MED27: variants seen among roughly 807,000 people sequenced by gnomAD.
MED27 encodes the protein mediator of RNA polymerase II transcription subunit 27.
MED27 carries 30 observed loss-of-function variants against 38.2 expected under a neutral mutation model. The observed-to-expected ratio is 0.79, with a 90% CI of 0.59 to 1.07. The LOEUF (loss-of-function observed/expected upper bound fraction) is 1.07, where lower values mean the gene tolerates loss of function less well. Among genes scored for constraint, MED27 ranks in the 50% least tolerant of loss-of-function variants. The probability of loss-of-function intolerance (pLI) is 0.00; values close to 1 mark genes in which losing one functional copy is unlikely to be tolerated. For missense variants in MED27, 289 were observed against 397.5 expected (o/e 0.73, Z 2.32); for synonymous variants, 122 against 153.5 (o/e 0.79, Z 1.52).
chr9:131,984,414 C>G (rs767233380), intron 3 of MED27, among the ~76,000 whole-genome samples: 3 of 152,150 alleles, frequency 2.0e-5, no homozygotes, highest in Non-Finnish European at 4.4e-5. Flanking sequence ...AACTCAAGAT[C>G]GACTTGTTTG....
chr9:132,049,628 C>T (rs563394573), intron 2 of MED27, among the ~76,000 whole-genome samples: 1 of 152,140 alleles, frequency 6.6e-6, no homozygotes, highest in Non-Finnish European at 1.5e-5. Flanking sequence ...TCAGCCCAGC[C>T]GGGAAACCAG....
At chr9:131,905,091 C>A (rs917260016) in intron 4 of MED27, among the ~76,000 whole-genome samples, 1 of 152,182 alleles carries the variant, frequency 6.6e-6, no homozygotes, top group Non-Finnish European at 1.5e-5. Flanking sequence ...CCCAAACTAT[C>A]AAAATTAGCT....
At position 132,071,417 on chromosome 9, in the gene MED27, C is replaced by T. The variant is rs548330734; in HGVS notation, c.348+6025G>A. ...CGCACACCCCATGAACGAGCACACA[C>T]ACACATGAATAACAGGTGCCTCATA... On this transcript the variant is annotated intron_variant, in intron 2 of 7. Coordinates refer to ENST00000292035, the MANE Select transcript of MED27 (RefSeq NM_004269.4). Among the ~76,000 whole-genome samples the T allele has an allele frequency of 9.0e-4, 136 of 150,710 alleles. 1 individual carries two copies. The highest frequency in any genetic ancestry group is 3.2e-3 in the African/African-American group (132 of 40,978).
At chr9:131,963,514 C>T (rs1234648859) in intron 3 of MED27, among the ~76,000 whole-genome samples, 4 of 152,086 alleles carry the variant, frequency 2.6e-5, no homozygotes, top group Non-Finnish European at 5.9e-5. Context: ...CTGTAAGGAG[C>T]CAGGCTCAGT....
chr9:132,013,845 G>T (rs1832534358), intron 3 of MED27, among the ~76,000 whole-genome samples: 1 of 152,040 alleles, frequency 6.6e-6, no homozygotes, highest in African/African-American at 2.4e-5. Flanking sequence ...GTTTCACAAA[G>T]ATCTATGCAA....
rs61624043 is a variant in MED27 at position 131,881,800 on chromosome 9, C to CTTTTTTTTTTTTTT, written c.723+2244_723+2257dup. ...CCTCCCTCCCTTCCTTCTTCTTCTT[C>CTTTTTTTTTTTTTT]TTTTTTTTTTTTTTTTTTTTTTTTG... On this transcript the variant is annotated intron_variant, in intron 6 of 7. Transcript: ENST00000292035. Among the ~76,000 whole-genome samples, 248 of 60,954 alleles carry CTTTTTTTTTTTTTT rather than the reference C, an allele frequency of 4.1e-3. 21 individuals are homozygous for CTTTTTTTTTTTTTT. The highest frequency in any genetic ancestry group is 6.0e-3 in the South Asian group (7 of 1,164). 40.0% of individuals were successfully genotyped at this position (60,954 alleles called of 152,430 possible). A position where few individuals can be genotyped will look rare whatever the true frequency, so the allele number is the denominator to read the frequency against.
chr9:132,053,077 C>T (rs1833498804), intron 2 of MED27, among the ~76,000 whole-genome samples: 1 of 151,964 alleles, frequency 6.6e-6, no homozygotes, highest in Admixed American at 6.6e-5. Context: ...CACAGTGAAA[C>T]CCCGTCTCTA....
intron 4 of MED27, among the ~76,000 whole-genome samples, chr9:131,929,007 C>T (rs768623274): frequency 2.6e-5 from 4 of 152,218 alleles, no homozygotes; most frequent in African/African-American, 4.8e-5. Flanking sequence ...AAGAGGACTT[C>T]GTCTTGCATC....
chr9:131,936,623 T>A (rs757609764), intron 4 of MED27, among the ~76,000 whole-genome samples: 10 of 152,208 alleles, frequency 6.6e-5, no homozygotes, highest in Non-Finnish European at 1.3e-4. Flanking sequence ...ACGGAATCAT[T>A]TGGGCCATGG....
intron 3 of MED27, among the ~76,000 whole-genome samples, chr9:131,974,009 G>A (rs759269373): frequency 1.3e-5 from 2 of 151,990 alleles, no homozygotes; most frequent in Non-Finnish European, 2.9e-5. Context: ...CACCGTGCCC[G>A]GCCTACTGGA....
At chr9:131,879,644 A>G (rs1839000291) in intron 6 of MED27, among the ~76,000 whole-genome samples, 1 of 152,194 alleles carries the variant, frequency 6.6e-6, no homozygotes, top group Non-Finnish European at 1.5e-5. Context: ...ATCCTCCAGC[A>G]TGTCATGCTG....
At chr9:131,871,940 G>C (rs958589421) in intron 6 of MED27, among the ~76,000 whole-genome samples, 1 of 152,186 alleles carries the variant, frequency 6.6e-6, no homozygotes, top group African/African-American at 2.4e-5. Context: ...TTCTAAAACA[G>C]GGGCCCTTGT....
chr9:131,893,214 G>A (rs1839257554), intron 5 of MED27, among the ~76,000 whole-genome samples: 1 of 152,140 alleles, frequency 6.6e-6, no homozygotes, highest in South Asian at 2.1e-4. Context: ...AGAGTGGCCT[G>A]GAAGAGTGTG....
At chr9:131,866,308 T>C (rs909038942) in intron 6 of MED27, among the ~76,000 whole-genome samples, 1 of 152,228 alleles carries the variant, frequency 6.6e-6, no homozygotes, top group Admixed American at 6.5e-5. Flanking sequence ...TACTGATAAC[T>C]GCAAGGTGCT....
chr9:131,990,545 T>G (rs921909271), intron 3 of MED27, among the ~76,000 whole-genome samples: 4 of 152,248 alleles, frequency 2.6e-5, no homozygotes, highest in Non-Finnish European at 5.9e-5. Context: ...CCCAGAGTGT[T>G]TATGGAGCAT....
At chr9:132,043,801 C>T (rs1589285485) in intron 2 of MED27, among the ~76,000 whole-genome samples, 1 of 152,072 alleles carries the variant, frequency 6.6e-6, no homozygotes, top group Non-Finnish European at 1.5e-5. Flanking sequence ...GAAAAAAATG[C>T]CACACCAAGC....
At chr9:132,039,959 T>A (rs1031612608) in intron 2 of MED27, among the ~76,000 whole-genome samples, 5 of 152,240 alleles carry the variant, frequency 3.3e-5, no homozygotes, top group African/African-American at 1.2e-4. Flanking sequence ...TTGTCTTGTT[T>A]CATAAGACCA....
chr9:131,876,017 T>C (rs1165877608), intron 6 of MED27, among the ~76,000 whole-genome samples: 4 of 152,212 alleles, frequency 2.6e-5, no homozygotes, highest in Non-Finnish European at 5.9e-5. Context: ...CACTCTGCTA[T>C]GTGGTCTCTC....
intron 4 of MED27, among the ~76,000 whole-genome samples, chr9:131,911,807 G>C (rs1044821183): frequency 2.6e-5 from 4 of 152,142 alleles, no homozygotes; most frequent in Non-Finnish European, 4.4e-5. Context: ...GCATGGTCAG[G>C]AATCTAGAAA....
Sources: allele counts gnomAD v4.1 joint callset (sites outside exome capture counted in the v4.1 genomes callset), GRCh38; gene constraint gnomAD v4.1.1; transcripts MANE v1.5; gene names NCBI Gene and HGNC (gene_info 2026-07-23, HGNC 2026-07-21).